The following MOB3B variants were observed in gnomAD, a reference collection of about 807,000 sequenced individuals.
MOB3B encodes MOB kinase activator 3B, also known as MOB kinase activator-like 2B.
MOB3B carries 7 observed loss-of-function variants against 18.7 expected under a neutral mutation model. That is an observed-to-expected ratio of 0.37 (90% CI 0.21 to 0.70). MOB3B has a LOEUF of 0.70. Among genes scored for constraint, MOB3B ranks in the 30% least tolerant of loss-of-function variants. The probability of loss-of-function intolerance (pLI) is 0.52; values close to 1 mark genes in which losing one functional copy is unlikely to be tolerated. For missense variants in MOB3B, 253 were observed against 281.3 expected (o/e 0.90, Z 0.72); for synonymous variants, 111 against 99.9 (o/e 1.11, Z -0.66).
intron 2 of MOB3B, among the ~76,000 whole-genome samples, chr9:27,415,546 T>TA (rs980381760): frequency 6.6e-6 from 1 of 152,284 alleles, no homozygotes; most frequent in Admixed American, 6.5e-5. Flanking sequence ...TTCTTTCCCG[T>TA]AAAAAAATTA....
At chr9:27,393,941 T>G (rs1821764635) in intron 2 of MOB3B, among the ~76,000 whole-genome samples, 1 of 151,912 alleles carries the variant, frequency 6.6e-6, no homozygotes. Flanking sequence ...CACTCATGAG[T>G]GTTCAGGGAG....
chr9:27,330,739 C>A, intron 3 of MOB3B, 123 bp from the exon 4 acceptor site: 1 of 1,411,194 alleles, frequency 7.1e-7, no homozygotes, highest in South Asian at 1.3e-5. Context: ...CAAGCATGGT[C>A]CATGAATAAG....
At chr9:27,436,295 C>T (rs1289573915) in intron 2 of MOB3B, among the ~76,000 whole-genome samples, 1 of 152,222 alleles carries the variant, frequency 6.6e-6, no homozygotes, top group Non-Finnish European at 1.5e-5. Flanking sequence ...CATTCATCAA[C>T]TTATACAAAG....
At chr9:27,431,893 C>A (rs1241573312) in intron 2 of MOB3B, among the ~76,000 whole-genome samples, 1 of 152,178 alleles carries the variant, frequency 6.6e-6, no homozygotes, top group Admixed American at 6.5e-5. Flanking sequence ...CGGATAAACA[C>A]AACTCTGTGT....
At chr9:27,518,114 A>G (rs933893450) in intron 1 of MOB3B, among the ~76,000 whole-genome samples, 8 of 152,200 alleles carry the variant, frequency 5.3e-5, no homozygotes, top group African/African-American at 1.9e-4. Context: ...TTCTATCATA[A>G]TACCTTTCTT....
intron 1 of MOB3B, among the ~76,000 whole-genome samples, chr9:27,496,953 G>A (rs955821663): frequency 2.0e-5 from 3 of 152,118 alleles, no homozygotes; most frequent in Non-Finnish European, 4.4e-5. Context: ...TAATTAAAAC[G>A]ATGGTTAATA....
At chr9:27,426,380 G>A (rs1291328321) in intron 2 of MOB3B, among the ~76,000 whole-genome samples, 1 of 152,228 alleles carries the variant, frequency 6.6e-6, no homozygotes, top group African/African-American at 2.4e-5. Context: ...AAGGTATAGT[G>A]TTGGGGTGCA....
intron 1 of MOB3B, among the ~76,000 whole-genome samples, chr9:27,463,651 C>G (rs1039725780): frequency 2.6e-5 from 4 of 152,154 alleles, no homozygotes; most frequent in Non-Finnish European, 5.9e-5. Context: ...TTATGAATCT[C>G]AGTTTTGTCT....
chr9:27,412,800 CT>C (rs1390177381), intron 2 of MOB3B, among the ~76,000 whole-genome samples: 1 of 152,340 alleles, frequency 6.6e-6, no homozygotes, highest in East Asian at 1.9e-4. Context: ...TAGCTGGTCA[CT>C]AAGTCAATAG....
At chr9:27,430,344 C>A (rs1822399465) in intron 2 of MOB3B, among the ~76,000 whole-genome samples, 1 of 152,070 alleles carries the variant, frequency 6.6e-6, no homozygotes, top group Non-Finnish European at 1.5e-5. Context: ...GCCCCAAAGG[C>A]AATCATAAGT....
chr9:27,370,404 AGGCTGAGGCAGGAGAATC>A (rs1437319210), intron 2 of MOB3B, among the ~76,000 whole-genome samples: 1 of 150,282 alleles, frequency 6.7e-6, no homozygotes, highest in Non-Finnish European at 1.5e-5. Flanking sequence ...GCTACTAGGG[AGGCTGAGGCAGGAGAATC>A]ACTTGAACTT....
At chr9:27,346,661 C>T (rs1179339440) in intron 3 of MOB3B, among the ~76,000 whole-genome samples, 14 of 152,082 alleles carry the variant, frequency 9.2e-5, no homozygotes, top group Admixed American at 6.5e-4. Context: ...TTTAATAAGA[C>T]GTGGACATAA....
chr9:27,363,038 C>A (rs1464378460), intron 2 of MOB3B, among the ~76,000 whole-genome samples: 1 of 152,170 alleles, frequency 6.6e-6, no homozygotes, highest in Non-Finnish European at 1.5e-5. Flanking sequence ...CAAGATACAG[C>A]TTGCTGACCC....
intron 2 of MOB3B, among the ~76,000 whole-genome samples, chr9:27,363,559 C>T (rs572263829): frequency 1.3e-5 from 2 of 151,276 alleles, no homozygotes; most frequent in Middle Eastern, 3.4e-3. Flanking sequence ...TGATCCACCA[C>T]GCCCGGCTCA....
intron 2 of MOB3B, among the ~76,000 whole-genome samples, chr9:27,448,297 G>T (rs1404192260): frequency 6.6e-6 from 1 of 152,174 alleles, no homozygotes; most frequent in Non-Finnish European, 1.5e-5. Context: ...TTATTTTACA[G>T]ATTAAATGAC....
At chr9:27,376,342 A>T (rs1821489471) in intron 2 of MOB3B, among the ~76,000 whole-genome samples, 1 of 152,234 alleles carries the variant, frequency 6.6e-6, no homozygotes, top group Non-Finnish European at 1.5e-5. Flanking sequence ...GAGTTCATGA[A>T]CACTTTGCAT....
chr9:27,484,262 A>G (rs1046097808), intron 1 of MOB3B, among the ~76,000 whole-genome samples: 2 of 152,194 alleles, frequency 1.3e-5, no homozygotes, highest in Admixed American at 6.5e-5. Flanking sequence ...ACGGGAAGAG[A>G]TAATAAACAG....
intron 1 of MOB3B, among the ~76,000 whole-genome samples, chr9:27,517,760 C>CAATAAA (rs1820260151): frequency 6.7e-6 from 1 of 149,680 alleles, no homozygotes; most frequent in South Asian, 2.1e-4. Flanking sequence ...TCTGTTCATT[C>CAATAAA]AATAAATATT....
intron 3 of MOB3B, among the ~76,000 whole-genome samples, chr9:27,351,836 G>T (rs1821108972): frequency 6.6e-6 from 1 of 152,170 alleles, no homozygotes. Context: ...GTATTCTGGG[G>T]CCTGGATAGG....
Sources: allele counts gnomAD v4.1 joint callset (sites outside exome capture counted in the v4.1 genomes callset), GRCh38; gene constraint gnomAD v4.1.1; transcripts MANE v1.5; gene names NCBI Gene and HGNC (gene_info 2026-07-23, HGNC 2026-07-21).